Variants in GCSAML observed in about 807,000 individuals in gnomAD.
The protein encoded by GCSAML is germinal center-associated signaling and motility-like protein.
A neutral mutation model predicts 13.0 loss-of-function variants in GCSAML; 9 were observed. That is an observed-to-expected ratio of 0.69 (90% CI 0.42 to 1.21). The LOEUF (loss-of-function observed/expected upper bound fraction) is 1.21, where lower values mean the gene tolerates loss of function less well. GCSAML is among the 50% of genes most tolerant of loss of function. The pLI, the probability that GCSAML is intolerant of heterozygous loss-of-function variation, is 0.00. For missense variants in GCSAML, 143 were observed against 153.4 expected, an observed-to-expected ratio of 0.93 and a Z score of 0.36; for synonymous variants, 37 against 52.9, an observed-to-expected ratio of 0.70 and a Z score of 1.31.
chr1:247,524,781 G>A (rs1306258015), intron 1 of GCSAML: 1 of 152,022 alleles, frequency 6.6e-6, no homozygotes, highest in Non-Finnish European at 1.5e-5. Context: ...CGTCCCACTA[G>A]AAAAACGATT....
At chr1:247,571,194 AT>A (rs1668598379) in intron 4 of GCSAML, among the ~76,000 whole-genome samples, 1 of 152,142 alleles carries the variant, frequency 6.6e-6, no homozygotes, top group African/African-American at 2.4e-5. Flanking sequence ...CATTTAGCCC[AT>A]TTACATTTAA....
intron 1 of GCSAML, chr1:247,525,384 G>A (rs1269930464): frequency 1.4e-5 from 2 of 140,672 alleles, no homozygotes; most frequent in African/African-American, 5.1e-5. Flanking sequence ...TAAGCCTCAA[G>A]TTCTTTTTAC....
intron 1 of GCSAML, among the ~76,000 whole-genome samples, chr1:247,521,378 C>CCTCTCCACGGTCTCCCTCTCCCTCTCA (rs1558235886): frequency 0.01 from 1,548 of 150,982 alleles, 49 homozygotes; most frequent in African/African-American, 0.034. Flanking sequence ...TCTCCCTCTC[C>CCTCTCCACGGTCTCCCTCTCCCTCTCA]CTCTCCACGG....
At chr1:247,509,090 C>T (rs377440679) in intron 1 of GCSAML, among the ~76,000 whole-genome samples, 2 of 152,216 alleles carry the variant, frequency 1.3e-5, no homozygotes, top group South Asian at 4.1e-4. Flanking sequence ...TTATAAATTA[C>T]TTTGGGCAGT....
chr1:247,553,440 T>C (rs954033053), intron 1 of GCSAML, among the ~76,000 whole-genome samples: 1 of 152,252 alleles, frequency 6.6e-6, no homozygotes, highest in Non-Finnish European at 1.5e-5. Flanking sequence ...AGCATAGTTA[T>C]GTCAGAATTC....
rs1665886948 is a variant in GCSAML, at chr1:247,508,006, T to A, written c.-263+773T>A. On this transcript the variant is annotated intron_variant, in intron 1 of 5. Coordinates refer to the GCSAML transcript ENST00000366489. ...GCATGTGTCTTTATAGTAGCATGAT[T>A]TATAATCCTTTGGGTATATATCCAG... is the stretch of plus-strand genomic sequence containing the variant. Among the ~76,000 whole-genome samples the A allele has an allele frequency of 2.6e-5, 4 of 152,370 alleles. No individual in the cohort carries two copies. The South Asian group carries it at 8.3e-4, about 32-fold the overall frequency.
At chr1:247,516,819 C>T (rs1303515951) in intron 1 of GCSAML, among the ~76,000 whole-genome samples, 2 of 152,128 alleles carry the variant, frequency 1.3e-5, no homozygotes, top group Admixed American at 6.5e-5. Context: ...ATTCGTACAG[C>T]CAACATTTAA....
intron 2 of GCSAML, chr1:247,531,641 A>C: frequency 3.1e-6 from 5 of 1,614,160 alleles, no homozygotes; most frequent in Non-Finnish European, 4.2e-6. Flanking sequence ...CTCAGGGTGT[A>C]AATAAGTGGG....
chr1:247,571,191 C>A (rs760156339), intron 4 of GCSAML, among the ~76,000 whole-genome samples: 25 of 152,086 alleles, frequency 1.6e-4, no homozygotes, highest in Admixed American at 3.3e-4. Context: ...GGCCATTTAG[C>A]CCATTTACAT....
At chr1:247,568,790 T>A (rs1319593964) in intron 4 of GCSAML, among the ~76,000 whole-genome samples, 1 of 152,198 alleles carries the variant, frequency 6.6e-6, no homozygotes, top group East Asian at 1.9e-4. Flanking sequence ...TTCACAATAT[T>A]GATTCTTCCT....
At chr1:247,538,464 T>C (rs191918983) in intron 2 of GCSAML, among the ~76,000 whole-genome samples, 31 of 152,320 alleles carry the variant, frequency 2.0e-4, no homozygotes, top group Admixed American at 3.3e-4. Context: ...ATGAACTGAA[T>C]TGTGCCCTAC....
intron 2 of GCSAML, among the ~76,000 whole-genome samples, chr1:247,538,512 C>A (rs2091620): frequency 0.26 from 38,854 of 152,032 alleles, 5,536 homozygotes; most frequent in Middle Eastern, 0.38. Flanking sequence ...CACAATGTGA[C>A]TATATTTGGA....
At chr1:247,548,405 T>C (rs932276204), upstream of GCSAML, among the ~76,000 whole-genome samples, 1 of 152,240 alleles carries the variant, frequency 6.6e-6, no homozygotes, top group South Asian at 2.1e-4. This position sits in a 1 kb window ranked among gnomAD's most constrained non-coding sequence, Gnocchi z 5.3. Context: ...ATTTTCCCCA[T>C]TGTCATGTTA....
At chr1:247,559,798 T>A (rs910255985) in intron 2 of GCSAML, among the ~76,000 whole-genome samples, 1 of 152,318 alleles carries the variant, frequency 6.6e-6, no homozygotes, top group African/African-American at 2.4e-5. Context: ...TCCCTGAGTC[T>A]TCGTATTGTC....
chr1:247,531,596 C>T (rs532873833), intron 2 of GCSAML: 1 of 1,614,132 alleles, frequency 6.2e-7, no homozygotes, highest in Non-Finnish European at 8.5e-7. Context: ...TTCTCTAATA[C>T]CATGTGCCGG....
rs1667038497 is a variant in GCSAML, at chr1:247,532,711, C to T, written c.-148+5657C>T. On this transcript the variant is annotated intron_variant, in intron 2 of 5. Coordinates refer to the GCSAML transcript ENST00000366489. ...TCTTGGGATCAAGCAATCCTCCCAC[C>T]TCAACTTCCTTGGTAGGTTGAGAAT... 2.6e-5 allele frequency: 15 copies of T among 583,096 alleles called. No individual in the cohort carries two copies. The South Asian group carries it at 3.0e-4, about 12-fold the overall frequency. 36.1% of individuals were successfully genotyped at this position (583,096 alleles called of 1,614,324 possible).
chr1:247,528,560 C>T (rs1282054207), intron 2 of GCSAML: 1 of 152,200 alleles, frequency 6.6e-6, no homozygotes, highest in African/African-American at 2.4e-5. Context: ...CTGCATTATA[C>T]ACCAGCAACA....
Position 247,574,470 on chromosome 1 carries a change from T to C in GCSAML, c.*88T>C, listed in dbSNP as rs929635945. On this transcript the variant is annotated 3_prime_UTR_variant, in exon 5 of 5. Coordinates refer to ENST00000366488, the MANE Select transcript of GCSAML (RefSeq NM_145278.5). ...GAAGTTGTTCACCCTGAGCAGTGCATGAAACATTCCTTTCTGGCTAAAGTT... is the reference window on the plus strand; with the variant it reads ...GAAGTTGTTCACCCTGAGCAGTGCACGAAACATTCCTTTCTGGCTAAAGTT... 12 of 1,395,732 alleles carry C rather than the reference T, an allele frequency of 8.6e-6. No individual in the cohort carries two copies. Among genetic ancestry groups the C allele is most frequent in the Non-Finnish European group, 1.2e-5 (12 of 1,016,984 alleles). 86.5% of individuals were successfully genotyped at this position (1,395,732 alleles called of 1,614,324 possible).
At chr1:247,563,854 A>G (rs1668234322) in intron 3 of GCSAML, among the ~76,000 whole-genome samples, 1 of 152,202 alleles carries the variant, frequency 6.6e-6, no homozygotes, top group African/African-American at 2.4e-5. Flanking sequence ...TGTGGAAAGA[A>G]GTTAACCAAA....
Sources: allele counts gnomAD v4.1 joint callset (sites outside exome capture counted in the v4.1 genomes callset), GRCh38; gene constraint gnomAD v4.1.1; non-coding constraint Gnocchi (gnomAD v3.1); transcripts MANE v1.5; gene names NCBI Gene and HGNC (gene_info 2026-07-23, HGNC 2026-07-21).